Variants in SGIP1 observed in about 807,000 individuals in gnomAD.
SGIP1 encodes the protein SH3GL interacting endocytic adaptor 1, also known as SH3-containing GRB2-like protein 3-interacting protein 1.
In SGIP1, 38 loss-of-function variants were observed where a neutral mutation model predicts 107.5. The observed-to-expected ratio is 0.35, with a 90% CI of 0.27 to 0.46. The LOEUF (loss-of-function observed/expected upper bound fraction) is 0.46. SGIP1 is among the 20% of genes least tolerant of loss of function. SGIP1 has a pLI of 1.00. For missense variants in SGIP1, 929 were observed against 1,019.5 expected (o/e 0.91, Z 1.21); for synonymous variants, 365 against 366.1 (o/e 1.00, Z 0.03).
At chr1:66,583,965 G>A (rs1299563029) in intron 1 of SGIP1, among the ~76,000 whole-genome samples, 4 of 152,148 alleles carry the variant, frequency 2.6e-5, no homozygotes, top group African/African-American at 9.7e-5. Flanking sequence ...CATTTTTGCT[G>A]AAGAGTCTAG....
intron 1 of SGIP1, among the ~76,000 whole-genome samples, chr1:66,538,063 C>A (rs2054054109): frequency 6.6e-6 from 1 of 152,002 alleles, no homozygotes; most frequent in African/African-American, 2.4e-5. Context: ...CTTTTATGTC[C>A]AAAATCATTA....
chr1:66,552,024 T>A (rs2057490042), intron 1 of SGIP1, among the ~76,000 whole-genome samples: 1 of 152,136 alleles, frequency 6.6e-6, no homozygotes, highest in Admixed American at 6.5e-5. Flanking sequence ...TAATCCCATT[T>A]GATAGATGAA....
chr1:66,715,264 G>C (rs1347540918), intron 18 of SGIP1, among the ~76,000 whole-genome samples: 1 of 152,102 alleles, frequency 6.6e-6, no homozygotes, highest in Non-Finnish European at 1.5e-5. Flanking sequence ...TTGTAAGTGG[G>C]AAAAAGTAAA....
At chr1:66,544,873 C>CTATT (rs2055974134) in intron 1 of SGIP1, among the ~76,000 whole-genome samples, 1 of 152,154 alleles carries the variant, frequency 6.6e-6, no homozygotes, top group Non-Finnish European at 1.5e-5. Context: ...TACTCCTGTG[C>CTATT]TATTGACTGT....
At chr1:66,547,672 C>G (rs1164236640) in intron 1 of SGIP1, among the ~76,000 whole-genome samples, 1 of 152,034 alleles carries the variant, frequency 6.6e-6, no homozygotes, top group African/African-American at 2.4e-5. Flanking sequence ...CACAGGCGAG[C>G]AAGACACATA....
At chr1:66,598,405 G>A (rs903196552) in intron 1 of SGIP1, among the ~76,000 whole-genome samples, 2 of 152,166 alleles carry the variant, frequency 1.3e-5, no homozygotes, top group Admixed American at 6.5e-5. Flanking sequence ...CCAGGAAAAC[G>A]AAGTGAAATC....
chr1:66,642,662 T>A (rs2076990989), intron 5 of SGIP1, 148 bp from the exon 6 acceptor site: 3 of 573,144 alleles, frequency 5.2e-6, no homozygotes, highest in Admixed American at 6.4e-5. Context: ...TCTAAACATA[T>A]TGCTCAGAAT....
chr1:66,719,303 G>A lies in SGIP1; in HGVS notation c.1640G>A (p.Arg547Lys). The change falls in exon 19 of 25, where the codon AGG becomes AAG. Residue 547 changes from arginine to lysine, a missense_variant. Arg to Lys is a conservative substitution (Grantham distance 26). Coordinates refer to ENST00000371037, the MANE Select transcript of SGIP1 (RefSeq NM_032291.4). ...KFYLTFEGSS[R>K]GPSPLTMGAQ... Reference sequence around the variant, plus strand: ...TTTTCATTTCATGCAGGTTCTTCCAGGGGACCCAGCCCCCTAACCATGGGA... The same window carrying A: ...TTTTCATTTCATGCAGGTTCTTCCAAGGGACCCAGCCCCCTAACCATGGGA... 1 of 1,609,420 alleles carries A rather than the reference G, an allele frequency of 6.2e-7. No homozygotes were observed. The highest frequency in any genetic ancestry group is 8.5e-7 in the Non-Finnish European group (1 of 1,178,332).
In SGIP1 at chr1:66,682,093, C is replaced by T; in HGVS notation, c.1039C>T (p.Pro347Ser). 2 of 1,614,120 alleles carry T rather than the reference C, an allele frequency of 1.2e-6. No individual in the cohort carries two copies. The change falls in exon 15 of 25, where the codon CCA (proline) becomes TCA (serine). Residue 347 changes from proline (P) to serine (S), a missense_variant. Pro to Ser is a moderately conservative substitution (Grantham distance 74, BLOSUM62 -1). Transcript: ENST00000371037. ...TACACCAGACAACCCAGCTGACTCC[C>T]CAGCTCCAGGCCCTCTCGGCCCCCC... ...PATPDNPADS[P>S]APGPLGPPGP...
At chr1:66,731,314 C>T (rs904294050) in intron 20 of SGIP1, among the ~76,000 whole-genome samples, 4 of 152,042 alleles carry the variant, frequency 2.6e-5, no homozygotes, top group Non-Finnish European at 4.4e-5. Flanking sequence ...AATTATGTGC[C>T]AATATCTTGC....
intron 7 of SGIP1, among the ~76,000 whole-genome samples, chr1:66,650,010 A>G (rs577513839): frequency 3.2e-4 from 49 of 152,170 alleles, no homozygotes; most frequent in Non-Finnish European, 5.4e-4. Flanking sequence ...TAATGTATGT[A>G]AAGTACTCCT....
intron 19 of SGIP1, among the ~76,000 whole-genome samples, chr1:66,725,576 T>C (rs561796979): frequency 6.6e-6 from 1 of 152,340 alleles, no homozygotes; most frequent in South Asian, 2.1e-4. Flanking sequence ...AATAAAATCC[T>C]TGTGAAATTT....
intron 14 of SGIP1, among the ~76,000 whole-genome samples, chr1:66,680,161 T>C (rs553803565): frequency 2.8e-4 from 42 of 152,336 alleles, no homozygotes; most frequent in Non-Finnish European, 4.4e-5. Context: ...AACTATCTAG[T>C]CTATGAAGAC....
At chr1:66,713,079 G>A (rs1033376696) in intron 18 of SGIP1, among the ~76,000 whole-genome samples, 1 of 152,052 alleles carries the variant, frequency 6.6e-6, no homozygotes, top group African/African-American at 2.4e-5. Context: ...GAGGAGGGTG[G>A]CATCCAGAGT....
intron 1 of SGIP1, among the ~76,000 whole-genome samples, chr1:66,540,450 C>T (rs2054653781): frequency 6.6e-6 from 1 of 152,118 alleles, no homozygotes; most frequent in African/African-American, 2.4e-5. Context: ...CTCTACTTTT[C>T]TCATTCTTCC....
At chr1:66,649,181 C>T (rs2078240746) in intron 7 of SGIP1, among the ~76,000 whole-genome samples, 1 of 152,174 alleles carries the variant, frequency 6.6e-6, no homozygotes, top group Admixed American at 6.5e-5. Context: ...TTGGAATTCT[C>T]TTGCCTGTCT....
intron 11 of SGIP1, 110 bp from the exon 12 acceptor site, chr1:66,673,171 G>A: frequency 9.4e-7 from 1 of 1,060,560 alleles, no homozygotes; most frequent in Non-Finnish European, 1.5e-6. Context: ...ATGCACTGGT[G>A]CACACACACA....
At chr1:66,607,412 G>T (rs927902839) in intron 1 of SGIP1, among the ~76,000 whole-genome samples, 1 of 152,232 alleles carries the variant, frequency 6.6e-6, no homozygotes, top group African/African-American at 2.4e-5. Context: ...AGCTATGTCA[G>T]ATGTGGCCCA....
intron 1 of SGIP1, among the ~76,000 whole-genome samples, chr1:66,604,383 G>A (rs2066433813): frequency 6.6e-6 from 1 of 152,118 alleles, no homozygotes; most frequent in Non-Finnish European, 1.5e-5. Flanking sequence ...CAGACAATGA[G>A]ATTCCTCCAC....
Sources: gnomAD v4.1 joint callset for allele counts (sites outside exome capture counted in the v4.1 genomes callset) on GRCh38, gnomAD v4.1.1 for gene constraint, MANE v1.5 for transcripts, NCBI Gene and HGNC (gene_info 2026-07-23, HGNC 2026-07-21) for gene names.